Variants in GALNTL6 observed in about 807,000 individuals in gnomAD.
GALNTL6 encodes the protein polypeptide N-acetylgalactosaminyltransferase-like 6.
A neutral mutation model predicts 73.7 loss-of-function variants in GALNTL6; 46 were observed. The ratio of observed to expected loss-of-function variants is 0.62; its 90% CI spans 0.49 to 0.80. The LOEUF (loss-of-function observed/expected upper bound fraction) is 0.80, where lower values mean the gene tolerates loss of function less well. Ranked by LOEUF, GALNTL6 falls within the 30% of genes least tolerant of loss-of-function variation. The pLI, the probability that GALNTL6 is intolerant of heterozygous loss-of-function variation, is 0.00. For synonymous variants in GALNTL6, 259 were observed against 263.7 expected, an observed-to-expected ratio of 0.98 and a Z score of 0.17; for missense variants, 604 against 755.0, an observed-to-expected ratio of 0.80 and a Z score of 2.34.
intron 10 of GALNTL6, among the ~76,000 whole-genome samples, chr4:172,994,757 C>T (rs1751700454): frequency 6.6e-6 from 1 of 152,160 alleles, no homozygotes; most frequent in Non-Finnish European, 1.5e-5. Flanking sequence ...AGAGAATCTA[C>T]TTCTCTAGAG....
At chr4:172,184,080 G>A (rs896848065) in intron 2 of GALNTL6, among the ~76,000 whole-genome samples, 18 of 152,166 alleles carry the variant, frequency 1.2e-4, no homozygotes, top group African/African-American at 3.6e-4. Flanking sequence ...ATGAGCCACC[G>A]CATCCGGCCG....
intron 5 of GALNTL6, among the ~76,000 whole-genome samples, chr4:172,790,841 G>C (rs1408901041): frequency 6.8e-6 from 1 of 148,092 alleles, no homozygotes; most frequent in Non-Finnish European, 1.5e-5. Flanking sequence ...AGAGGTTGCA[G>C]TGAGCCAAGA....
At chr4:172,376,503 C>T (rs907639325) in intron 5 of GALNTL6, among the ~76,000 whole-genome samples, 1 of 152,194 alleles carries the variant, frequency 6.6e-6, no homozygotes, top group African/African-American at 2.4e-5. Context: ...CCAACGCTCC[C>T]AACTCCGAAG....
Position 172,888,721 on chromosome 4 carries a change from G to A in GALNTL6, c.1041+5814G>A, listed in dbSNP as rs572953995. Among the ~76,000 whole-genome samples the A allele has an allele frequency of 3.4e-4, 52 of 152,198 alleles. No homozygotes were observed. In the South Asian group the frequency reaches 0.011, roughly 31 times the overall value. On this transcript the variant is annotated intron_variant, in intron 8 of 12. Coordinates refer to ENST00000506823, the MANE Select transcript of GALNTL6 (RefSeq NM_001034845.3). ...CTCCGGCTCTGTTCTTTTTGCTTAG[G>A]ATTGCCTTGGCTATCTGGGCTCTTT...
chr4:171,870,621 G>A (rs188263338), intron 2 of GALNTL6, among the ~76,000 whole-genome samples: 1 of 151,974 alleles, frequency 6.6e-6, no homozygotes, highest in Non-Finnish European at 1.5e-5. Flanking sequence ...CCTAACCCTG[G>A]TGCCTCAGAA....
chr4:172,532,012 T>G (rs1159654434), intron 5 of GALNTL6, among the ~76,000 whole-genome samples: 1 of 151,946 alleles, frequency 6.6e-6, no homozygotes, highest in Admixed American at 6.6e-5. Flanking sequence ...TGGGTGGGAG[T>G]AGGTTTCTTC....
chr4:171,903,145 A>C (rs754101217), intron 2 of GALNTL6, among the ~76,000 whole-genome samples: 18 of 152,144 alleles, frequency 1.2e-4, no homozygotes, highest in Non-Finnish European at 1.3e-4. Flanking sequence ...AGGAGCCAAG[A>C]TGGCCTAATA....
chr4:172,865,839 A>G (rs1289326171), intron 7 of GALNTL6, among the ~76,000 whole-genome samples: 3 of 151,922 alleles, frequency 2.0e-5, no homozygotes, highest in East Asian at 3.9e-4. Context: ...ATCTGATTTT[A>G]TGCTGATGGC....
chr4:173,014,012 A>G (rs932043576), intron 11 of GALNTL6, among the ~76,000 whole-genome samples: 7 of 152,080 alleles, frequency 4.6e-5, no homozygotes, highest in Admixed American at 3.9e-4. Flanking sequence ...ACACAAAAGG[A>G]GACTTATTAG....
chr4:172,083,175 C>G (rs1238133833), intron 2 of GALNTL6, among the ~76,000 whole-genome samples: 1 of 152,130 alleles, frequency 6.6e-6, no homozygotes, highest in Non-Finnish European at 1.5e-5. Context: ...TTCATCACTT[C>G]CACAGAAAAC....
chr4:172,763,956 G>GTTT, intron 5 of GALNTL6, among the ~76,000 whole-genome samples: 1 of 85,438 alleles, frequency 1.2e-5, no homozygotes. Flanking sequence ...CAAACAAGGT[G>GTTT]TATTTTTTTT....
intron 4 of GALNTL6, among the ~76,000 whole-genome samples, chr4:172,339,824 G>C (rs1741497910): frequency 6.6e-6 from 1 of 152,098 alleles, no homozygotes; most frequent in South Asian, 2.1e-4. Flanking sequence ...GCTGACACGG[G>C]GGCTGTTTGC....
chr4:172,054,548 A>C (rs1730967871), intron 2 of GALNTL6, among the ~76,000 whole-genome samples: 1 of 152,094 alleles, frequency 6.6e-6, no homozygotes, highest in African/African-American at 2.4e-5. Context: ...CATAGACCAG[A>C]GATTTTCTGA....
intron 10 of GALNTL6, among the ~76,000 whole-genome samples, chr4:172,970,772 G>C (rs942563630): frequency 6.6e-6 from 1 of 152,186 alleles, no homozygotes; most frequent in African/African-American, 2.4e-5. Context: ...TTAAAGTAAA[G>C]ACAGGCATAA....
chr4:171,877,711 TG>T (rs1736317780), intron 2 of GALNTL6, among the ~76,000 whole-genome samples: 1 of 152,164 alleles, frequency 6.6e-6, no homozygotes, highest in Non-Finnish European at 1.5e-5. Context: ...ATATTGGTGA[TG>T]CTTTTCCGGA....
In GALNTL6 at chr4:172,840,568, G is replaced by A. The variant is rs558612768; in HGVS notation, c.923+26845G>A. The stretch of plus-strand genomic sequence containing the variant: ...CTCACACACCAACATTTATTGAACA[G>A]CTAATGTGCAAGGCCACTATTTTAG... On this transcript the variant is annotated intron_variant, in intron 7 of 12. Coordinates refer to ENST00000506823, the MANE Select transcript of GALNTL6 (RefSeq NM_001034845.3). Among the ~76,000 whole-genome samples, 5 of 152,264 alleles carry A rather than the reference G, an allele frequency of 3.3e-5. No homozygotes were observed. In the South Asian group the frequency reaches 8.3e-4, roughly 25 times the overall value.
At chr4:172,013,599 T>C (rs2110784515) in intron 2 of GALNTL6, among the ~76,000 whole-genome samples, 1 of 152,208 alleles carries the variant, frequency 6.6e-6, no homozygotes, top group South Asian at 2.1e-4. Context: ...GGTGTGTACA[T>C]TTGTGGGGCA....
In GALNTL6 at chr4:172,505,407, T is replaced by C. The variant is rs1473886980; in HGVS notation, c.553+156718T>C. 5.4e-5 allele frequency among the ~76,000 whole-genome samples: 3 copies of C among 55,468 alleles called. 1 individual carries two copies. The highest frequency in any genetic ancestry group is 1.4e-4 in the African/African-American group (3 of 22,182). The allele number at this position is 55,468 out of a possible 152,430, so 36.4% of individuals were successfully genotyped here. A position where few individuals can be genotyped will look rare whatever the true frequency, so the allele number is the denominator to read the frequency against. ...AATGCCACTTCACAGAGAGGGACTT[T>C]GGAAAAAGTAGTACATAAGTGCACA... is the stretch of plus-strand genomic sequence containing the variant. On this transcript the variant is annotated intron_variant, in intron 5 of 12. Coordinates refer to ENST00000506823, the MANE Select transcript of GALNTL6 (RefSeq NM_001034845.3).
rs1037369430 is a variant in GALNTL6 at position 171,816,866 on chromosome 4, A to G, written c.138+2148A>G. Among the ~76,000 whole-genome samples the G allele has an allele frequency of 2.6e-5, 4 of 152,028 alleles. No homozygotes were observed. In the East Asian group the frequency reaches 7.7e-4, roughly 29 times the overall value. On this transcript the variant is annotated intron_variant, in intron 2 of 12. Transcript: ENST00000506823. ...GTTTTGGGTAAGTAAGAGTTAAGTC[A>G]TTAATATTGATATTGGAACAAATAA...
Sources: gnomAD v4.1 joint callset for allele counts (sites outside exome capture counted in the v4.1 genomes callset) on GRCh38, gnomAD v4.1.1 for gene constraint, MANE v1.5 for transcripts, NCBI Gene and HGNC (gene_info 2026-07-23, HGNC 2026-07-21) for gene names.